The following KLF12 variants were observed in gnomAD, a reference collection of about 807,000 sequenced individuals.
KLF12 encodes the protein KLF transcription factor 12.
KLF12 carries 9 observed loss-of-function variants against 37.8 expected under a neutral mutation model. The observed-to-expected ratio is 0.24, with a 90% CI of 0.14 to 0.42. The LOEUF (loss-of-function observed/expected upper bound fraction) is 0.42. KLF12 is among the 10% of genes least tolerant of loss of function. The pLI is 1.00. For missense variants in KLF12, 411 were observed against 516.0 expected (o/e 0.80, Z 1.97); for synonymous variants, 208 against 202.1 (o/e 1.03, Z -0.25).
Position 74,022,580 on chromosome 13 carries a change from T to C in KLF12, c.-31-27527A>G, listed in dbSNP as rs527320689. Among the ~76,000 whole-genome samples, 6 of 152,032 alleles carry C rather than the reference T, an allele frequency of 3.9e-5. No individual in the cohort carries two copies. In the East Asian group the frequency reaches 7.8e-4, roughly 20 times the overall value. On this transcript the variant is annotated intron_variant, in intron 1 of 7. Transcript: ENST00000377669. ...TCTATACTTTTGCAACCTTACACTT[T>C]CATTCTCATTTCCTTCATGTGGGCC...
In KLF12 at chr13:74,090,946, A is replaced by T. The variant is rs1875618473; in HGVS notation, c.-32+42793T>A. Among the ~76,000 whole-genome samples, 3 of 151,676 alleles carry T rather than the reference A, an allele frequency of 2.0e-5. No homozygotes were observed. In the South Asian group the frequency reaches 6.2e-4, roughly 31 times the overall value. On this transcript the variant is annotated intron_variant, in intron 1 of 7. Coordinates refer to ENST00000377669, the MANE Select transcript of KLF12 (RefSeq NM_007249.5). ...AAACTACCTTGAAAAAAAAAAAAAG[A>T]AAGTAAGAAAGCTCATACTCTTCCA...
intron 3 of KLF12, among the ~76,000 whole-genome samples, chr13:73,885,819 T>G (rs1290487270): frequency 6.6e-6 from 1 of 152,108 alleles, no homozygotes; most frequent in East Asian, 1.9e-4. Context: ...AGAGAAACCA[T>G]TTAGGAGACA....
At chr13:73,952,718 T>C (rs994722236) in intron 2 of KLF12, among the ~76,000 whole-genome samples, 3 of 152,298 alleles carry the variant, frequency 2.0e-5, no homozygotes, top group African/African-American at 7.2e-5. Flanking sequence ...AAGAAAAGTG[T>C]ATGGGCATCA....
intron 1 of KLF12, among the ~76,000 whole-genome samples, chr13:74,020,029 GA>G (rs1189691301): frequency 6.6e-6 from 1 of 152,200 alleles, no homozygotes; most frequent in South Asian, 2.1e-4. Flanking sequence ...GGAAAGAAAA[GA>G]AGAAAAACCC....
the KLF12 span, among the ~76,000 whole-genome samples, chr13:74,206,177 C>T: frequency 3.6e-4 from 54 of 152,080 alleles, no homozygotes; most frequent in East Asian, 7.4e-3. Context: ...GTTTTCATTA[C>T]CCATTCATTA....
At chr13:74,175,357 T>C in the KLF12 span, among the ~76,000 whole-genome samples, 2 of 152,202 alleles carry the variant, frequency 1.3e-5, no homozygotes, top group African/African-American at 4.8e-5. Flanking sequence ...TGTCCCACTG[T>C]CCTTTTCAGC....
At chr13:73,733,340 A>G (rs1161539308) in intron 6 of KLF12, among the ~76,000 whole-genome samples, 2 of 152,060 alleles carry the variant, frequency 1.3e-5, no homozygotes, top group South Asian at 2.1e-4. Context: ...GGTAACCTCT[A>G]CTATATTTTT....
At chr13:74,139,840 A>T in the KLF12 span, among the ~76,000 whole-genome samples, 5 of 152,146 alleles carry the variant, frequency 3.3e-5, no homozygotes, top group African/African-American at 1.2e-4. Context: ...AAATTGAGGC[A>T]TATGAGATCT....
At chr13:73,803,550 A>G (rs1283347045) in intron 5 of KLF12, among the ~76,000 whole-genome samples, 1 of 151,436 alleles carries the variant, frequency 6.6e-6, no homozygotes, top group African/African-American at 2.4e-5. Flanking sequence ...CAGGGACAGA[A>G]GAATCATATG....
chr13:74,199,642 T>C, the KLF12 span, among the ~76,000 whole-genome samples: 3 of 152,204 alleles, frequency 2.0e-5, no homozygotes, highest in Non-Finnish European at 2.9e-5. Context: ...ATCACAACTT[T>C]ATTGCCCAAT....
chr13:74,044,841 T>C (rs1475998294), intron 1 of KLF12, among the ~76,000 whole-genome samples: 2 of 146,702 alleles, frequency 1.4e-5, no homozygotes, highest in Admixed American at 1.4e-4. Context: ...TGAAACTCCA[T>C]CTCAAAAACA....
At chr13:73,968,641 T>C (rs1404781707) in intron 2 of KLF12, among the ~76,000 whole-genome samples, 2 of 152,224 alleles carry the variant, frequency 1.3e-5, no homozygotes, top group Non-Finnish European at 2.9e-5. Context: ...AAGAAAGTTT[T>C]CTAAAAGATG....
At chr13:74,238,892 C>G in the KLF12 span, among the ~76,000 whole-genome samples, 492 of 151,490 alleles carry the variant, frequency 3.2e-3, 3 homozygotes, top group African/African-American at 0.011. Context: ...AAAAAACCAG[C>G]TCCTGGATTC....
chr13:73,831,022 A>ACACG (rs1300621912), intron 4 of KLF12, among the ~76,000 whole-genome samples: 1 of 123,962 alleles, frequency 8.1e-6, no homozygotes. Context: ...ACACACACAC[A>ACACG]CACGCATACT....
chr13:74,224,284 A>C, the KLF12 span, among the ~76,000 whole-genome samples: 1 of 152,242 alleles, frequency 6.6e-6, no homozygotes, highest in Non-Finnish European at 1.5e-5. Flanking sequence ...AAATGACTGC[A>C]GGCCCTGGGC....
chr13:74,085,849 G>A (rs1875254412), intron 1 of KLF12, among the ~76,000 whole-genome samples: 1 of 152,136 alleles, frequency 6.6e-6, no homozygotes, highest in Admixed American at 6.5e-5. Context: ...CAACTTCTGA[G>A]CAGAATGGCT....
At chr13:73,962,123 G>T in intron 2 of KLF12, 1 of 404,932 alleles carries the variant, frequency 2.5e-6, no homozygotes, top group Non-Finnish European at 4.8e-6. Context: ...TCCAGACAAT[G>T]GAATATTAAT....
At chr13:73,895,824 T>C (rs1296684386) in intron 3 of KLF12, among the ~76,000 whole-genome samples, 1 of 28,800 alleles carries the variant, frequency 3.5e-5, no homozygotes, top group Admixed American at 2.9e-4. Flanking sequence ...ATGGAATTCT[T>C]TTTTTTTTTT....
chr13:73,823,444 T>C (rs975251176), intron 4 of KLF12, among the ~76,000 whole-genome samples: 1 of 152,204 alleles, frequency 6.6e-6, no homozygotes, highest in Admixed American at 6.5e-5. Context: ...GCAGAACTAT[T>C]GTGCCACATA....
Sources: gnomAD v4.1 joint callset for allele counts (sites outside exome capture counted in the v4.1 genomes callset) on GRCh38, gnomAD v4.1.1 for gene constraint, MANE v1.5 for transcripts, NCBI Gene and HGNC (gene_info 2026-07-23, HGNC 2026-07-21) for gene names.